Variants in ROBO2 observed in about 807,000 individuals in gnomAD.
ROBO2 encodes the protein roundabout homolog 2.
In ROBO2, 53 loss-of-function variants were observed where a neutral mutation model predicts 160.8. The observed-to-expected ratio is 0.33, with a 90% CI of 0.26 to 0.41. The LOEUF is 0.41. Among genes scored for constraint, ROBO2 ranks in the 10% least tolerant of loss-of-function variants. The pLI is 1.00. For missense variants in ROBO2, 1,577 were observed against 1,722.4 expected, an observed-to-expected ratio of 0.92 and a Z score of 1.49; for synonymous variants, 664 against 611.7, an observed-to-expected ratio of 1.09 and a Z score of -1.26.
intron 2 of ROBO2, among the ~76,000 whole-genome samples, chr3:76,733,303 TCA>T (rs1010247514): frequency 1.3e-5 from 2 of 152,222 alleles, no homozygotes; most frequent in African/African-American, 4.8e-5. Flanking sequence ...ATGTGCTGGT[TCA>T]CACAGTTACC....
intron 2 of ROBO2, among the ~76,000 whole-genome samples, chr3:76,713,239 T>C (rs1043140613): frequency 2.0e-5 from 3 of 152,210 alleles, no homozygotes; most frequent in African/African-American, 7.2e-5. Context: ...TCAAAATCTT[T>C]ATGCCATTTT....
intron 2 of ROBO2, among the ~76,000 whole-genome samples, chr3:76,662,452 C>T (rs1206371814): frequency 6.6e-6 from 1 of 151,968 alleles, no homozygotes; most frequent in African/African-American, 2.4e-5. Flanking sequence ...TTATTAAACA[C>T]CTAACTCTGG....
chr3:77,165,571 T>TAAA (rs58426930), intron 2 of ROBO2, among the ~76,000 whole-genome samples: 46,121 of 150,288 alleles, frequency 0.31, 8,094 homozygotes, highest in Middle Eastern at 0.44. Flanking sequence ...AAAAATAAAT[T>TAAA]AAAAAAAAAA....
chr3:76,496,775 A>G (rs1261447959), intron 2 of ROBO2, among the ~76,000 whole-genome samples: 1 of 152,112 alleles, frequency 6.6e-6, no homozygotes, highest in Non-Finnish European at 1.5e-5. Flanking sequence ...TCAGCAAACC[A>G]TTTTACCTAT....
chr3:77,262,766 G>A (rs1262645421), intron 2 of ROBO2, among the ~76,000 whole-genome samples: 1 of 152,104 alleles, frequency 6.6e-6, no homozygotes, highest in Non-Finnish European at 1.5e-5. Context: ...AATTGAAGTT[G>A]GAATATCATG....
intron 2 of ROBO2, among the ~76,000 whole-genome samples, chr3:77,476,757 T>G (rs2084057734): frequency 6.6e-6 from 1 of 152,042 alleles, no homozygotes; most frequent in Non-Finnish European, 1.5e-5. Flanking sequence ...GGAGGGAAAT[T>G]TCAGACAGGC....
chr3:77,231,278 G>A (rs188553232), intron 2 of ROBO2, among the ~76,000 whole-genome samples: 1 of 146,102 alleles, frequency 6.8e-6, no homozygotes, highest in Non-Finnish European at 1.5e-5. Flanking sequence ...CACAAGAATC[G>A]CTTGAACCTG....
At chr3:76,631,316 G>GA (rs1578710488) in intron 2 of ROBO2, among the ~76,000 whole-genome samples, 2 of 152,084 alleles carry the variant, frequency 1.3e-5, no homozygotes, top group African/African-American at 2.4e-5. Flanking sequence ...TATATTTTGG[G>GA]AAAAAAATCT....
At position 76,023,460 on chromosome 3, in the gene ROBO2, A is replaced by G. The variant is rs556323881; in HGVS notation, c.109+85858A>G. 9.4e-4 allele frequency among the ~76,000 whole-genome samples: 143 copies of G among 151,722 alleles called. No homozygotes were observed. In the Middle Eastern group the frequency reaches 0.01, roughly 11 times the overall value. Reference sequence around the variant, plus strand: ...CATTGTAGGGTTATTAATTGGTTTAATTTTAATATTGTTGTGTCTCAGCGA... The same window carrying G: ...CATTGTAGGGTTATTAATTGGTTTAGTTTTAATATTGTTGTGTCTCAGCGA... On this transcript the variant is annotated intron_variant, in intron 2 of 26. Transcript: ENST00000487694.
chr3:77,137,526 G>A (rs572885566), intron 2 of ROBO2, among the ~76,000 whole-genome samples: 4 of 152,306 alleles, frequency 2.6e-5, no homozygotes, highest in South Asian at 2.1e-4. Flanking sequence ...GCCCCCGGCC[G>A]TATATATAAC....
At position 76,091,603 on chromosome 3, in the gene ROBO2, T is replaced by C. The variant is rs1032768487; in HGVS notation, c.109+154001T>C. 4.6e-5 allele frequency among the ~76,000 whole-genome samples: 7 copies of C among 152,308 alleles called. No homozygotes were observed. In the East Asian group the frequency reaches 7.7e-4, roughly 17 times the overall value. On this transcript the variant is annotated intron_variant, in intron 2 of 26. Coordinates refer to the ROBO2 transcript ENST00000487694. ...TCCACCCAAATAAACTGAAAACTTA[T>C]GTTGGAACAAAAACCTGCACATGAA...
chr3:76,687,455 C>G (rs2092709590), intron 2 of ROBO2, among the ~76,000 whole-genome samples: 1 of 151,942 alleles, frequency 6.6e-6, no homozygotes, highest in Non-Finnish European at 1.5e-5. Context: ...AGTATGAACA[C>G]TCCCAGGGCC....
rs186314807 is a variant in ROBO2 at position 77,555,516 on chromosome 3, C to G, written c.1232-2428C>G. Among the ~76,000 whole-genome samples, 9 of 152,048 alleles carry G rather than the reference C, an allele frequency of 5.9e-5. No individual in the cohort carries two copies. The East Asian group carries it at 1.6e-3, about 26-fold the overall frequency. On this transcript the variant is annotated intron_variant, in intron 8 of 25. Transcript: ENST00000461745. The stretch of plus-strand genomic sequence containing the variant: ...AATATGTTTCAATATACTTGAGTTT[C>G]AATATATTTCTCTAAAAGACTTCCG...
At chr3:76,163,576 TTCA>T (rs1218958609) in intron 2 of ROBO2, among the ~76,000 whole-genome samples, 2 of 150,522 alleles carry the variant, frequency 1.3e-5, no homozygotes, top group African/African-American at 4.9e-5. Flanking sequence ...TATATAGGCA[TTCA>T]TCAGAAATAT....
rs575685677 is a variant in ROBO2 at position 77,590,761 on chromosome 3, G to A, written c.2683+1828G>A. On this transcript the variant is annotated intron_variant, in intron 17 of 25. Transcript: ENST00000461745. The stretch of plus-strand genomic sequence containing the variant: ...CTCTCATAGTTGGTAAGTTTATACT[G>A]TTAGTAAAATTACACCAGAGAGACT... Among the ~76,000 whole-genome samples the A allele has an allele frequency of 5.9e-5, 9 of 152,126 alleles. No individual in the cohort carries two copies. In the East Asian group the frequency reaches 1.7e-3, roughly 29 times the overall value.
At chr3:76,123,627 C>G (rs1293821327) in intron 2 of ROBO2, among the ~76,000 whole-genome samples, 1 of 152,110 alleles carries the variant, frequency 6.6e-6, no homozygotes, top group Non-Finnish European at 1.5e-5. Flanking sequence ...TTGGACTCTC[C>G]TGTCACTAGT....
chr3:75,940,858 T>C (rs1266427823), intron 2 of ROBO2, among the ~76,000 whole-genome samples: 1 of 152,090 alleles, frequency 6.6e-6, no homozygotes, highest in Non-Finnish European at 1.5e-5. Flanking sequence ...AAAGAGGGAC[T>C]ATAGAGAGGC....
intron 5 of ROBO2, among the ~76,000 whole-genome samples, chr3:77,514,252 A>G (rs921265338): frequency 1.3e-5 from 2 of 151,844 alleles, no homozygotes; most frequent in African/African-American, 4.8e-5. Context: ...AATTAAAAGC[A>G]AAATATAAAT....
At chr3:77,075,672 C>CTTTTTTTTTTTTTTT (rs1174587812) in intron 1 of ROBO2, among the ~76,000 whole-genome samples, 5 of 87,254 alleles carry the variant, frequency 5.7e-5, no homozygotes, top group African/African-American at 9.8e-5. Flanking sequence ...TTTCTTTCTC[C>CTTTTTTTTTTTTTTT]TTTTTTTTTT....
Sources: gnomAD v4.1 joint callset for allele counts (sites outside exome capture counted in the v4.1 genomes callset) on GRCh38, gnomAD v4.1.1 for gene constraint, MANE v1.5 for transcripts, NCBI Gene and HGNC (gene_info 2026-07-23, HGNC 2026-07-21) for gene names.